The following JUP variants were observed in gnomAD, a reference collection of about 807,000 sequenced individuals.
JUP encodes the protein catenin (cadherin-associated protein), gamma 80kDa.
Under a neutral mutation model 71.1 loss-of-function variants are expected in JUP, and 28 were observed. That is an observed-to-expected ratio of 0.39 (90% CI 0.29 to 0.54). JUP has a LOEUF of 0.54. Ranked by LOEUF, JUP falls within the 20% of genes least tolerant of loss-of-function variation. The pLI, the probability that JUP is intolerant of heterozygous loss-of-function variation, is 0.62. For synonymous variants in JUP, 401 were observed against 438.9 expected, an observed-to-expected ratio of 0.91 and a Z score of 1.08; for missense variants, 869 against 1,030.1, an observed-to-expected ratio of 0.84 and a Z score of 2.14.
At chr17:41,765,104 G>A (rs781849057) in intron 5 of JUP, 37 bp from the exon 6 acceptor site, 3 of 1,605,046 alleles carry the variant, frequency 1.9e-6, no homozygotes, top group Non-Finnish European at 2.6e-6. Flanking sequence ...AGATGGACGG[G>A]GAATATGACA....
At chr17:41,758,676 C>T (rs1555599645) in intron 9 of JUP, 39 bp downstream of exon 9, 9 of 1,594,332 alleles carry the variant, frequency 5.6e-6, no homozygotes, top group Non-Finnish European at 7.7e-6. Context: ...CACCCTGACC[C>T]CCCAGGAAGG....
chr17:41,778,800 A>G (rs1248136473), intron 1 of JUP, among the ~76,000 whole-genome samples: 1 of 151,910 alleles, frequency 6.6e-6, no homozygotes, highest in Admixed American at 6.6e-5. Flanking sequence ...AGTCCCAGCT[A>G]CTCGGGAGGC....
At chr17:41,783,366 A>G (rs1317974054) in intron 1 of JUP, among the ~76,000 whole-genome samples, 2 of 148,320 alleles carry the variant, frequency 1.3e-5, no homozygotes, top group Non-Finnish European at 3.0e-5. Flanking sequence ...AGCTCACTGC[A>G]GCCTTGACTT....
chr17:41,755,483 T>A lies in JUP; in HGVS notation c.*261A>T. 2.3e-6 allele frequency: 1 copy of A among 427,918 alleles called. No homozygotes were observed. Among genetic ancestry groups the A allele is most frequent in the Non-Finnish European group, 4.1e-6 (1 of 243,288 alleles). The allele number at this position is 427,918 out of a possible 1,614,324, so 26.5% of individuals were successfully genotyped here. A position where few individuals can be genotyped will look rare whatever the true frequency, so the allele number is the denominator to read the frequency against. The stretch of plus-strand genomic sequence containing the variant: ...GGGTCAGGGGCTCGGTGGACCTGCA[T>A]CCCCAGAAGCTCAAGCCACTCCGTG... On this transcript the variant is annotated 3_prime_UTR_variant, in exon 14 of 14. Transcript: ENST00000393931.
chr17:41,758,116 C>T (rs1555599193), intron 10 of JUP: 1 of 521,834 alleles, frequency 1.9e-6, no homozygotes, highest in Admixed American at 3.6e-5. Context: ...TTTTTAGGTT[C>T]TTTCTGAAAT....
At chr17:41,781,892 C>T (rs536610358) in intron 1 of JUP, among the ~76,000 whole-genome samples, 17 of 152,332 alleles carry the variant, frequency 1.1e-4, no homozygotes, top group Middle Eastern at 3.4e-3. Context: ...GCCTGCAGCT[C>T]TCAAGTCCTC....
At chr17:41,774,237 G>T (rs567185817) in intron 1 of JUP, among the ~76,000 whole-genome samples, 130 of 152,004 alleles carry the variant, frequency 8.6e-4, no homozygotes, top group African/African-American at 3.1e-3. Flanking sequence ...GCCATGGGGG[G>T]GTGGGGGGGT....
chr17:41,755,506 G>A lies in JUP; in HGVS notation c.*238C>T, dbSNP rs1555597170. 1.8e-5 allele frequency: 8 copies of A among 449,638 alleles called. No individual in the cohort carries two copies. Among genetic ancestry groups the A allele is most frequent in the South Asian group, 1.3e-4 (2 of 15,998 alleles). The allele number at this position is 449,638 out of a possible 1,614,324, so 27.9% of individuals were successfully genotyped here. ...CATCCCCAGAAGCTCAAGCCACTCC[G>A]TGTCACCTGCCCACCACCCCCAGAA... On this transcript the variant is annotated 3_prime_UTR_variant, in exon 14 of 14. Coordinates refer to ENST00000393931, the MANE Select transcript of JUP (RefSeq NM_002230.4).
intron 8 of JUP, among the ~76,000 whole-genome samples, chr17:41,759,936 G>A (rs72835659): frequency 0.11 from 17,240 of 151,686 alleles, 1,250 homozygotes; most frequent in East Asian, 0.24. Flanking sequence ...TGTATAGGCC[G>A]GGCGCAGTGG....
chr17:41,772,276 C>G (rs1416290857), intron 1 of JUP: 1 of 313,506 alleles, frequency 3.2e-6, no homozygotes, highest in African/African-American at 2.1e-5. Context: ...TGGGCCCACC[C>G]TCAACTACTG....
intron 8 of JUP, among the ~76,000 whole-genome samples, chr17:41,762,494 G>T (rs1329657260): frequency 2.2e-4 from 33 of 151,982 alleles, no homozygotes; most frequent in Admixed American, 2.2e-3. Context: ...GTGCTCAAGC[G>T]ATCCTCCGAC....
In JUP at chr17:41,768,971, G is replaced by A. The variant is rs887639693; in HGVS notation, c.705C>T (p.Leu235=). 4 of 1,602,800 alleles carry A rather than the reference G, an allele frequency of 2.5e-6. No homozygotes were observed. The African/African-American group carries it at 4.0e-5, about 16-fold the overall frequency. The change falls in exon 4 of 14, where the codon CTC becomes CTT. Residue 235 remains leucine, a splice_region_variant and synonymous_variant. Coordinates refer to ENST00000393931, the MANE Select transcript of JUP (RefSeq NM_002230.4). ...ATGCAGTGAGCAGGGTTGGGTACCT[G>A]AGCATGCGGACCAGAGCAGGGATGC... is the stretch of plus-strand genomic sequence containing the variant. The part of the protein sequence containing the change: ...SGGIPALVRM[L]SSPVESVLFY...
intron 12 of JUP, among the ~76,000 whole-genome samples, chr17:41,757,145 G>A (rs1484781660): frequency 5.9e-5 from 9 of 152,184 alleles, no homozygotes; most frequent in Admixed American, 2.0e-4. Context: ...GGAAAAGACC[G>A]CCCATAGCCT....
chr17:41,779,977 A>G (rs1352313162), intron 1 of JUP, among the ~76,000 whole-genome samples: 1 of 151,984 alleles, frequency 6.6e-6, no homozygotes, highest in South Asian at 2.1e-4. Context: ...CCCCAGCCAG[A>G]TATTACCTTC....
Position 41,757,675 on chromosome 17 carries a change from G to A in JUP, c.1883C>T (p.Ala628Val), listed in dbSNP as rs1475273502. The change falls in exon 11 of 14, where the codon GCC becomes GTC. Residue 628 changes from alanine to valine, a missense_variant. By Grantham distance (64) the Ala-to-Val change is moderately conservative. Coordinates refer to ENST00000393931, the MANE Select transcript of JUP (RefSeq NM_002230.4). Reference sequence around the variant, plus strand: ...GGAGTGCAGCAACTCCATGAGTGGGGCCGAGGCCCCCTCTGCATCAATGGC... The same window carrying A: ...GGAGTGCAGCAACTCCATGAGTGGGACCGAGGCCCCCTCTGCATCAATGGC... ...ADAIDAEGAS[A>V]PLMELLHSRN... is the part of the protein sequence containing the mutation. The A allele has an allele frequency of 1.9e-6, 3 of 1,613,404 alleles. No homozygotes were observed. The African/African-American group carries it at 4.0e-5, about 22-fold the overall frequency.
intron 1 of JUP, among the ~76,000 whole-genome samples, chr17:41,785,456 C>G (rs2047409262): frequency 6.6e-6 from 1 of 152,108 alleles, no homozygotes; most frequent in Admixed American, 6.5e-5. Flanking sequence ...TTTCCACCCC[C>G]CACCCCGGCC....
intron 1 of JUP, among the ~76,000 whole-genome samples, chr17:41,778,765 G>T (rs181198101): frequency 1.2e-3 from 189 of 151,776 alleles, no homozygotes; most frequent in Admixed American, 4.3e-3. Flanking sequence ...TAAAAAATTA[G>T]CCGGGCGTGT....
At chr17:41,771,438 C>T (rs1417332484) in intron 2 of JUP, 1 of 608,856 alleles carries the variant, frequency 1.6e-6, no homozygotes, top group African/African-American at 1.8e-5. Flanking sequence ...ACTGATGGTT[C>T]ACAGAAGAGG....
intron 1 of JUP, among the ~76,000 whole-genome samples, chr17:41,782,828 G>A (rs1314214755): frequency 1.3e-5 from 2 of 152,084 alleles, no homozygotes; most frequent in East Asian, 1.9e-4. Context: ...AATCCTTTCC[G>A]CTCACACCTG....
Sources: gnomAD v4.1 joint callset for allele counts (sites outside exome capture counted in the v4.1 genomes callset) on GRCh38, gnomAD v4.1.1 for gene constraint, MANE v1.5 for transcripts, NCBI Gene and HGNC (gene_info 2026-07-23, HGNC 2026-07-21) for gene names.